VCAN: variants seen among roughly 807,000 people sequenced by gnomAD.
The protein encoded by VCAN is versican core protein.
Under a neutral mutation model 245.5 loss-of-function variants are expected in VCAN, and 44 were observed. The ratio of observed to expected loss-of-function variants is 0.18; its 90% CI spans 0.14 to 0.23. The LOEUF (loss-of-function observed/expected upper bound fraction) is 0.23. VCAN is among the 10% of genes least tolerant of loss of function. The pLI is 1.00. For missense variants in VCAN, 3,793 were observed against 4,057.9 expected (o/e 0.93, Z 1.77); for synonymous variants, 1,413 against 1,437.0 (o/e 0.98, Z 0.38).
intron 1 of VCAN, among the ~76,000 whole-genome samples, chr5:83,482,780 G>T (rs1744655513): frequency 6.6e-6 from 1 of 152,190 alleles, no homozygotes; most frequent in Non-Finnish European, 1.5e-5. Context: ...CAAAGCCAGG[G>T]CAGTTTCTTG....
Position 83,537,186 on chromosome 5 carries a change from G to A in VCAN, c.4183G>A (p.Glu1395Lys). The A allele has an allele frequency of 6.2e-7, 1 of 1,613,728 alleles. No individual in the cohort carries two copies. The highest frequency in any genetic ancestry group is 8.5e-7 in the Non-Finnish European group (1 of 1,179,892). The change falls in exon 8 of 15, where the codon GAG (glutamate) becomes AAG (lysine). Residue 1395 changes from glutamate to lysine, a missense_variant. Transcript: ENST00000265077. ...HSEENEEEEE[E>K]CANATDVTTT... is the part of the protein sequence containing the mutation. ...TGAAGAAAATGAAGAAGAAGAAGAA[G>A]AGTGTGCAAATGCTACTGATGTGAC...
Position 83,522,139 on chromosome 5 carries a change from A to G in VCAN, c.3833A>G (p.Glu1278Gly), listed in dbSNP as rs1746132433. The change falls in exon 7 of 15, where the codon GAG (glutamate) becomes GGG (glycine). Residue 1278 changes from glutamate (E) to glycine (G), a missense_variant. Glu to Gly is a moderately conservative substitution (Grantham distance 98). This residue lies in a region of VCAN where 3,182 missense variants were observed against 3,250.3 expected (regional missense o/e 0.98). Transcript: ENST00000265077. ...GAAACAGAAACCGATATTGATAGAG[A>G]GTATTTCACGACTTCAAGTCCTCCT... ...AKETETDIDREYFTTSSPPAT... is the reference protein window; with the variant it reads ...AKETETDIDRGYFTTSSPPAT... The G allele has an allele frequency of 6.2e-7, 1 of 1,613,304 alleles. No individual in the cohort carries two copies. The highest frequency in any genetic ancestry group is 2.2e-5 in the East Asian group (1 of 44,876).
At chr5:83,525,347 C>T (rs1308188050) in intron 7 of VCAN, among the ~76,000 whole-genome samples, 2 of 152,062 alleles carry the variant, frequency 1.3e-5, no homozygotes, top group Non-Finnish European at 2.9e-5. Flanking sequence ...TCTTTGTGAA[C>T]ATGCATGAAG....
rs1745055059 is a variant in VCAN at position 83,493,630 on chromosome 5, C to T, written c.530C>T (p.Ala177Val). Reference protein sequence around the residue: ...AAQKACLDVGAVIATPEQLFA... With the variant: ...AAQKACLDVGVVIATPEQLFA... ...CAGAAGGCTTGTTTGGACGTTGGGG[C>T]AGTCATAGCAACTCCAGAGCAGCTC... Residue 177 changes from alanine to valine, a missense_variant, in exon 4 of 15, where the codon GCA becomes GTA. Ala to Val is a moderately conservative substitution (Grantham distance 64). Around this residue, in one of 5 missense-constraint regions of VCAN, gnomAD observed 190 missense variants for 288.6 expected, o/e 0.66. Transcript: ENST00000265077. 6.2e-7 allele frequency: 1 copy of T among 1,613,940 alleles called. No homozygotes were observed. The highest frequency in any genetic ancestry group is 8.5e-7 in the Non-Finnish European group (1 of 1,180,014).
intron 13 of VCAN, among the ~76,000 whole-genome samples, chr5:83,575,622 T>C (rs1296151214): frequency 6.6e-6 from 1 of 152,216 alleles, no homozygotes; most frequent in Non-Finnish European, 1.5e-5. Context: ...TCCTGTGCAT[T>C]AAAGCATGTT....
At chr5:83,567,465 T>A (rs946532326) in intron 12 of VCAN, among the ~76,000 whole-genome samples, 4 of 123,326 alleles carry the variant, frequency 3.2e-5, no homozygotes, top group Non-Finnish European at 6.6e-5. Context: ...TACGTCCGGC[T>A]AATTTTTTGT....
At chr5:83,506,913 T>C (rs1448320968) in intron 5 of VCAN, among the ~76,000 whole-genome samples, 2 of 152,126 alleles carry the variant, frequency 1.3e-5, no homozygotes, top group Non-Finnish European at 2.9e-5. Context: ...ATGAGATCTT[T>C]TGAGACTTAT....
Position 83,539,690 on chromosome 5 carries a change from G to A in VCAN, c.6687G>A (p.Lys2229=), listed in dbSNP as rs144717336. The A allele has an allele frequency of 2.9e-5, 46 of 1,613,738 alleles. No homozygotes were observed. The African/African-American group carries it at 4.4e-4, about 15-fold the overall frequency. ...TAGTCACAGATTCACCAATCAAAAA[G>A]GAAGAAAGTACAAAACATTTTCCGA... ...EHVVTDSPIK[K]EESTKHFPKG... Residue 2229 remains lysine, a synonymous_variant, in exon 8 of 15, where the codon AAG becomes AAA. Transcript: ENST00000265077.
chr5:83,548,110 GA>G, intron 10 of VCAN, 26 bp downstream of exon 10: 1 of 1,570,976 alleles, frequency 6.4e-7, no homozygotes, highest in South Asian at 1.1e-5. Flanking sequence ...ACATTTGTAT[GA>G]TGAACATTAT....
Position 83,582,071 on chromosome 5 carries a change from T to C in VCAN, c.*1637T>C, listed in dbSNP as rs2112514039. 1 of 152,262 alleles carries C rather than the reference T, an allele frequency of 6.6e-6. No individual in the cohort carries two copies. The highest frequency in any genetic ancestry group is 6.5e-5 in the Admixed American group (1 of 15,278). 9.4% of individuals were successfully genotyped at this position (152,262 alleles called of 1,614,324 possible). A position where few individuals can be genotyped will look rare whatever the true frequency, so the allele number is the denominator to read the frequency against. On this transcript the variant is annotated 3_prime_UTR_variant, in exon 15 of 15. Transcript: ENST00000265077. ...AGGTTCCCTTGGTTGTTGCATTAAA[T>C]GTAATCCACCTTTAGGTATTTTAGA...
intron 5 of VCAN, among the ~76,000 whole-genome samples, chr5:83,508,409 T>C (rs1745543542): frequency 1.3e-5 from 2 of 152,208 alleles, no homozygotes; most frequent in Non-Finnish European, 2.9e-5. Context: ...AGAGGGTTGA[T>C]ACATGGAAAG....
rs1745700288 is a variant in VCAN, at chr5:83,512,493, C to A, written c.1042+97C>A. ...CTAGCCGTTGGAGTGGATTCCATGT[C>A]TTGCAGTGTGTGCACGGAATGGAAA... On this transcript the variant is annotated intron_variant, in intron 6 of 14. Coordinates refer to ENST00000265077, the MANE Select transcript of VCAN (RefSeq NM_004385.5). 5 of 1,419,320 alleles carry A rather than the reference C, an allele frequency of 3.5e-6. No individual in the cohort carries two copies. In the East Asian group the frequency reaches 1.2e-4, roughly 34 times the overall value. The allele number at this position is 1,419,320 out of a possible 1,614,324, so 87.9% of individuals were successfully genotyped here.
Position 83,548,045 on chromosome 5 carries a change from C to T in VCAN, c.9454C>T (p.Leu3152Phe), listed in dbSNP as rs183984308. ...TGATGGTTTTAACACATTCAGGTGC[C>T]TCTGCCTTCCAAGTTATGTTGGTGC... ...CVDGFNTFRC[L>F]CLPSYVGALC... is the part of the protein sequence containing the mutation. Residue 3152 changes from leucine to phenylalanine, a missense_variant, in exon 10 of 15, where the codon CTC becomes TTC. By Grantham distance (22) the Leu-to-Phe change is conservative. This residue lies in a region of VCAN where 205 missense variants were observed against 321.1 expected (regional missense o/e 0.64). Coordinates refer to ENST00000265077, the MANE Select transcript of VCAN (RefSeq NM_004385.5). 3.1e-6 allele frequency: 5 copies of T among 1,614,048 alleles called. No homozygotes were observed. The highest frequency in any genetic ancestry group is 4.5e-5 in the East Asian group (2 of 44,862).
In VCAN at chr5:83,555,504, G is replaced by A. The variant is rs6864187; in HGVS notation, c.9735+466G>A. Reference sequence around the variant, plus strand: ...TTATCTTAAAGAAGACTGTTGATATGATCTTGTGAATTTCTGCCAACTAAT... The same window carrying A: ...TTATCTTAAAGAAGACTGTTGATATAATCTTGTGAATTTCTGCCAACTAAT... On this transcript the variant is annotated intron_variant, in intron 12 of 14. Transcript: ENST00000265077. Among the ~76,000 whole-genome samples the A allele has an allele frequency of 5.3e-3, 808 of 152,244 alleles. 4 individuals are homozygous for A. The highest frequency in any genetic ancestry group is 0.018 in the African/African-American group (766 of 41,544).
chr5:83,512,492 T>C, intron 6 of VCAN, 96 bp downstream of exon 6: 1 of 1,420,390 alleles, frequency 7.0e-7, no homozygotes, highest in South Asian at 1.3e-5. Flanking sequence ...GGATTCCATG[T>C]CTTGCAGTGT....
rs79913355 is a variant in VCAN at position 83,477,206 on chromosome 5, A to G, written c.-7+5183A>G. ...CTATACAAAAAAGGGATGATAATAT[A>G]TTATGTCTTGGGATTCATATTGATC... is the stretch of plus-strand genomic sequence containing the variant. On this transcript the variant is annotated intron_variant, in intron 1 of 14. Transcript: ENST00000265077. Among the ~76,000 whole-genome samples, 384 of 152,322 alleles carry G rather than the reference A, an allele frequency of 2.5e-3. 7 individuals are homozygous for G. In the East Asian group the frequency reaches 0.047, roughly 19 times the overall value.
At chr5:83,473,195 G>A (rs1364538805) in intron 1 of VCAN, among the ~76,000 whole-genome samples, 1 of 152,202 alleles carries the variant, frequency 6.6e-6, no homozygotes, top group Admixed American at 6.5e-5. Context: ...CCTGGTGCGT[G>A]CAGACCTAGG....
intron 8 of VCAN, among the ~76,000 whole-genome samples, chr5:83,544,479 G>A (rs1747127151): frequency 1.3e-5 from 2 of 152,076 alleles, no homozygotes; most frequent in Non-Finnish European, 2.9e-5. Flanking sequence ...TTAAGCTAAT[G>A]TTTCATAAGA....
intron 3 of VCAN, among the ~76,000 whole-genome samples, chr5:83,490,803 G>A (rs1017450583): frequency 1.3e-5 from 2 of 152,092 alleles, no homozygotes; most frequent in Non-Finnish European, 2.9e-5. Flanking sequence ...CTCTGAAGGC[G>A]AATCTACATT....
Sources: allele counts gnomAD v4.1 joint callset (sites outside exome capture counted in the v4.1 genomes callset), GRCh38; gene constraint gnomAD v4.1.1; regional missense constraint gnomAD v4.1.1; transcripts MANE v1.5; gene names NCBI Gene and HGNC (gene_info 2026-07-23, HGNC 2026-07-21).